Variants in DET1 observed in about 807,000 individuals in gnomAD.
DET1 encodes the protein DET1 homolog.
DET1 carries 22 observed loss-of-function variants against 43.7 expected under a neutral mutation model. The observed-to-expected ratio is 0.50, with a 90% CI of 0.36 to 0.72. DET1 has a LOEUF of 0.72. Ranked by LOEUF, DET1 falls within the 30% of genes least tolerant of loss-of-function variation. The probability of loss-of-function intolerance (pLI) is 0.00; values close to 1 mark genes in which losing one functional copy is unlikely to be tolerated. For synonymous variants in DET1, 315 were observed against 266.2 expected (o/e 1.18, Z -1.79); for missense variants, 713 against 713.3 (o/e 1.00, Z 0.00).
intron 8 of DET1, chr15:88,502,265 CTTTCATTCACTT>C (rs1333631365): frequency 1.3e-5 from 2 of 152,140 alleles, no homozygotes; most frequent in Non-Finnish European, 2.9e-5. Context: ...TAAAGATTAC[CTTTCATTCACTT>C]TTTCATTCCG....
At chr15:88,505,470 G>A (rs142980439) in intron 7 of DET1, 1 of 152,142 alleles carries the variant, frequency 6.6e-6, no homozygotes, top group African/African-American at 2.4e-5. Context: ...CTGCCTTTCT[G>A]AGTATAAAAC....
chr15:88,519,058 T>C (rs1166068549), intron 3 of DET1, among the ~76,000 whole-genome samples: 1 of 152,214 alleles, frequency 6.6e-6, no homozygotes, highest in Non-Finnish European at 1.5e-5. Flanking sequence ...CCATCTCATC[T>C]ACACCTTAGC....
intron 1 of DET1, among the ~76,000 whole-genome samples, chr15:88,533,852 T>TAAAAAAAAAAAAAAAAAAAAAAA (rs368408722): frequency 2.5e-5 from 1 of 39,218 alleles, no homozygotes; most frequent in African/African-American, 7.2e-5. Context: ...ACCCAATCTC[T>TAAAAAAAAAAAAAAAAAAAAAAA]AAAAAAAAAA....
chr15:88,522,378 T>C (rs561699786), intron 3 of DET1, among the ~76,000 whole-genome samples: 86 of 152,144 alleles, frequency 5.7e-4, no homozygotes, highest in African/African-American at 2.1e-3. Context: ...GCAGGTACTC[T>C]ATTTTTTTTT....
At chr15:88,527,846 C>G in intron 2 of DET1, 60 bp from the exon 3 acceptor site, 2 of 1,284,108 alleles carry the variant, frequency 1.6e-6, no homozygotes, top group Middle Eastern at 2.0e-4. Flanking sequence ...GCGTAGGAAA[C>G]TTAGCACTTA....
intron 7 of DET1, among the ~76,000 whole-genome samples, chr15:88,506,870 G>C (rs1190888294): frequency 6.6e-6 from 1 of 152,164 alleles, no homozygotes; most frequent in Non-Finnish European, 1.5e-5. Context: ...GATGGGAGGA[G>C]AGAGGTTCAG....
At chr15:88,522,794 A>G (rs1335264970) in intron 3 of DET1, among the ~76,000 whole-genome samples, 1 of 151,534 alleles carries the variant, frequency 6.6e-6, no homozygotes, top group Non-Finnish European at 1.5e-5. Context: ...CTGGGATTAC[A>G]GGCATGAGCC....
rs2056120269 is a variant in DET1 at position 88,504,592 on chromosome 15, G to C, written c.*2066-605C>G. 1 of 152,114 alleles carries C rather than the reference G, an allele frequency of 6.6e-6. No individual in the cohort carries two copies. Among genetic ancestry groups the C allele is most frequent in the African/African-American group, 2.4e-5 (1 of 41,388 alleles). The allele number at this position is 152,114 out of a possible 1,614,324, so 9.4% of individuals were successfully genotyped here. On this transcript the variant is annotated intron_variant and NMD_transcript_variant, in intron 7 of 8. Coordinates refer to the DET1 transcript ENST00000557842. This position sits in a 1 kb window ranked among gnomAD's most constrained non-coding sequence, Gnocchi z 4.7. The stretch of plus-strand genomic sequence containing the variant: ...CAGAGTTTGCTAATTCCTGGAGATA[G>C]CAAACAACTTGCCTGAGAACACGTC...
chr15:88,535,203 T>TA (rs2142321264), intron 1 of DET1, among the ~76,000 whole-genome samples: 1 of 152,020 alleles, frequency 6.6e-6, no homozygotes, highest in Admixed American at 6.5e-5. Context: ...AAATATCTTT[T>TA]AAAAATTTAA....
At position 88,512,537 on chromosome 15, in the gene DET1, G is replaced by A. The variant is rs2056220950; in HGVS notation, c.*414C>T. The A allele has an allele frequency of 1.0e-6, 1 of 990,750 alleles. No homozygotes were observed. The highest frequency in any genetic ancestry group is 1.7e-5 in the African/African-American group (1 of 57,422). 61.4% of individuals were successfully genotyped at this position (990,750 alleles called of 1,614,324 possible). On this transcript the variant is annotated 3_prime_UTR_variant, in exon 5 of 5. Coordinates refer to ENST00000268148, the MANE Select transcript of DET1 (RefSeq NM_001144074.3). ...CTCTTAAAAAGATAGCCGTGCTTAT[G>A]AGCTAAATGGAAAGGATGTATGTCA...
chr15:88,512,440 A>G (rs982112802), downstream of DET1: 1 of 985,862 alleles, frequency 1.0e-6, no homozygotes, highest in Non-Finnish European at 1.2e-6. Flanking sequence ...GAAAGCATTG[A>G]GTATGATAGG....
rs762443912 is a variant in DET1, at chr15:88,530,763, C to T, written c.943G>A (p.Ala315Thr). Reference protein sequence around the residue: ...RRAEQDGSAMAKRRFFQYFDQ... With the variant: ...RRAEQDGSAMTKRRFFQYFDQ... ...AAATACTGGAAGAAGCGCCTCTTGG[C>T]CATTGCACTACCATCCTGTTCTGCC... Residue 315 changes from alanine to threonine, a missense_variant, in exon 2 of 5, where the codon GCC (alanine) becomes ACC (threonine). By Grantham distance (58) the Ala-to-Thr change is moderately conservative. Coordinates refer to ENST00000268148, the MANE Select transcript of DET1 (RefSeq NM_001144074.3). The T allele has an allele frequency of 1.9e-6, 3 of 1,613,902 alleles. No individual in the cohort carries two copies. Among genetic ancestry groups the T allele is most frequent in the South Asian group, 1.1e-5 (1 of 91,062 alleles).
chr15:88,530,584 G>A, intron 2 of DET1, 39 bp downstream of exon 2: 3 of 1,536,234 alleles, frequency 2.0e-6, no homozygotes, highest in South Asian at 1.3e-5. Context: ...ATTTTGCCAA[G>A]GAGATTAGAC....
In DET1 at chr15:88,534,292, C is replaced by G. The variant is rs1012398052; in HGVS notation, c.-10-2577G>C. Among the ~76,000 whole-genome samples, 11 of 152,120 alleles carry G rather than the reference C, an allele frequency of 7.2e-5. No individual in the cohort carries two copies. The South Asian group carries it at 1.2e-3, about 17-fold the overall frequency. On this transcript the variant is annotated intron_variant, in intron 1 of 4. Coordinates refer to ENST00000268148, the MANE Select transcript of DET1 (RefSeq NM_001144074.3). ...CTGTTGCCAGATAAGATGGAATAAT[C>G]AAACACCACCTTCTCTCTCCCACTA...
downstream of DET1, among the ~76,000 whole-genome samples, chr15:88,511,008 G>A (rs147740194): frequency 5.5e-3 from 832 of 152,206 alleles, 10 homozygotes; most frequent in African/African-American, 0.019. Context: ...TCCTGATCTC[G>A]TGATCCGCCC....
rs191020498 is a variant in DET1, at chr15:88,525,531, C to T, written c.1271+2068G>A. On this transcript the variant is annotated intron_variant, in intron 3 of 4. Coordinates refer to ENST00000268148, the MANE Select transcript of DET1 (RefSeq NM_001144074.3). ...TCAGCAAATACCTACAGAGCTCCTCCCACAGGGCAGACACTGGCCTTGGTG... is the reference window on the plus strand; with the variant it reads ...TCAGCAAATACCTACAGAGCTCCTCTCACAGGGCAGACACTGGCCTTGGTG... Among the ~76,000 whole-genome samples, 8 of 152,308 alleles carry T rather than the reference C, an allele frequency of 5.3e-5. No homozygotes were observed. The South Asian group carries it at 1.7e-3, about 32-fold the overall frequency.
At chr15:88,519,275 C>G (rs1403658836) in intron 3 of DET1, among the ~76,000 whole-genome samples, 2 of 152,144 alleles carry the variant, frequency 1.3e-5, no homozygotes, top group Non-Finnish European at 2.9e-5. Context: ...CACTTTAGTT[C>G]CTGCCCCAGT....
chr15:88,533,984 G>C (rs900345573), intron 1 of DET1, among the ~76,000 whole-genome samples: 1 of 151,622 alleles, frequency 6.6e-6, no homozygotes, highest in Admixed American at 6.6e-5. Context: ...AGAAGGTGCT[G>C]TTGAATGGGT....
Position 88,513,095 on chromosome 15 carries a change from C to T in DET1, c.1509G>A (p.Ala503=), listed in dbSNP as rs768608942. ...DSGLLKFEIQ[A]GLLGRPINHT... is the part of the protein sequence containing the mutation. ...GGTTGATGGGGCGGCCCAATAACCCCGCCTGGATCTCAAACTTGAGCAGGC... is the reference window on the plus strand; with the variant it reads ...GGTTGATGGGGCGGCCCAATAACCCTGCCTGGATCTCAAACTTGAGCAGGC... Residue 503 remains alanine, a synonymous_variant, in exon 5 of 5, where the codon GCG becomes GCA. Coordinates refer to ENST00000268148, the MANE Select transcript of DET1 (RefSeq NM_001144074.3). 4.3e-6 allele frequency: 7 copies of T among 1,613,692 alleles called. No individual in the cohort carries two copies. Among genetic ancestry groups the T allele is most frequent in the South Asian group, 3.3e-5 (3 of 91,040 alleles).
Sources: gnomAD v4.1 joint callset for allele counts (sites outside exome capture counted in the v4.1 genomes callset) on GRCh38, gnomAD v4.1.1 for gene constraint, Gnocchi (gnomAD v3.1) non-coding constraint, MANE v1.5 for transcripts, NCBI Gene and HGNC (gene_info 2026-07-23, HGNC 2026-07-21) for gene names.